Variants in ZNF136 observed in about 807,000 individuals in gnomAD.
ZNF136 encodes zinc finger protein 136.
In ZNF136, 8 loss-of-function variants were observed where a neutral mutation model predicts 11.4. The observed-to-expected ratio is 0.70, with a 90% CI of 0.41 to 1.27. The LOEUF is 1.27. ZNF136 is among the 50% of genes most tolerant of loss of function. The pLI, the probability that ZNF136 is intolerant of heterozygous loss-of-function variation, is 0.01. For synonymous variants in ZNF136, 190 were observed against 207.1 expected (o/e 0.92, Z 0.71); for missense variants, 590 against 656.5 (o/e 0.90, Z 1.11).
rs8111785 is a variant in ZNF136, at chr19:12,186,554, G to T, written c.192-16G>T. 205,815 of 1,557,498 alleles carry T rather than the reference G, an allele frequency of 0.13. 17,289 individuals carry two copies. Among genetic ancestry groups the T allele is most frequent in the African/African-American group, 0.39 (28,284 of 72,872 alleles). ...GATTAACAAATCCTTAGTAATGTCC[G>T]TCTCATTTTTTACAGAAGTCATATG... is the stretch of plus-strand genomic sequence containing the variant. On this transcript the variant is annotated splice_polypyrimidine_tract_variant and intron_variant, in intron 3 of 3. Coordinates refer to ENST00000343979, the MANE Select transcript of ZNF136 (RefSeq NM_003437.5).
At chr19:12,178,884 G>A (rs1298792371) in intron 1 of ZNF136, among the ~76,000 whole-genome samples, 1 of 151,972 alleles carries the variant, frequency 6.6e-6, no homozygotes, top group East Asian at 1.9e-4. Flanking sequence ...TGCTACTCGG[G>A]AGGCTGAGGC....
In ZNF136 at chr19:12,187,825, A is replaced by T; in HGVS notation, c.1447A>T (p.Lys483Ter). 8 of 1,606,132 alleles carry T rather than the reference A, an allele frequency of 5.0e-6. No homozygotes were observed. Among genetic ancestry groups the T allele is most frequent in the Non-Finnish European group, 6.8e-6 (8 of 1,177,268 alleles). Residue 483 changes from lysine (K) to a stop codon, truncating the protein, a stop_gained, in exon 4 of 4, where the codon AAA (lysine) becomes TAA (stop). Transcript: ENST00000343979. LOFTEE classifies it low-confidence loss of function (END_TRUNC). The stretch of plus-strand genomic sequence containing the variant: ...ACCCTTTGAATGTAAGCGATGTGGT[A>T]AAGCCTTTAGATCTTCTAGTTCCTT... ...EKPFECKRCG[K>*]AFRSSSSFRL... is the part of the protein sequence containing the mutation.
chr19:12,167,581 C>T (rs559460490), intron 1 of ZNF136, among the ~76,000 whole-genome samples: 3 of 152,226 alleles, frequency 2.0e-5, no homozygotes, highest in South Asian at 4.1e-4. Flanking sequence ...AAGATAAGAC[C>T]GGGTGCGGTG....
intron 1 of ZNF136, among the ~76,000 whole-genome samples, chr19:12,163,500 C>T (rs928453329): frequency 6.6e-6 from 1 of 152,230 alleles, no homozygotes; most frequent in African/African-American, 2.4e-5. Flanking sequence ...GGGGGAAATC[C>T]TGACTTGTGC....
chr19:12,172,895 C>G (rs1914697356), intron 1 of ZNF136, among the ~76,000 whole-genome samples: 1 of 152,042 alleles, frequency 6.6e-6, no homozygotes, highest in South Asian at 2.1e-4. Context: ...GCCTGTAATC[C>G]CTGCTACTCG....
At chr19:12,179,075 T>C (rs1914872928) in intron 1 of ZNF136, among the ~76,000 whole-genome samples, 1 of 152,176 alleles carries the variant, frequency 6.6e-6, no homozygotes. Context: ...TGTGTTTTTT[T>C]CACATAAATT....
rs983632020 is a variant in ZNF136 at position 12,189,649 on chromosome 19, T to C, written c.*1648T>C. The C allele has an allele frequency of 6.6e-6, 1 of 152,086 alleles. No homozygotes were observed. Among genetic ancestry groups the C allele is most frequent in the Admixed American group, 6.6e-5 (1 of 15,266 alleles). 9.4% of individuals were successfully genotyped at this position (152,086 alleles called of 1,614,324 possible). A position where few individuals can be genotyped will look rare whatever the true frequency, so the allele number is the denominator to read the frequency against. Reference sequence around the variant, plus strand: ...GATTACACGTGTGAGCCATCACACCTAGCCCATTTTTTTTTTCTTGGCTCA... The same window carrying C: ...GATTACACGTGTGAGCCATCACACCCAGCCCATTTTTTTTTTCTTGGCTCA... On this transcript the variant is annotated 3_prime_UTR_variant, in exon 4 of 4. Coordinates refer to ENST00000343979, the MANE Select transcript of ZNF136 (RefSeq NM_003437.5).
At chr19:12,163,323 T>C (rs1384805564) in intron 1 of ZNF136, 117 bp downstream of exon 1, 2 of 1,253,484 alleles carry the variant, frequency 1.6e-6, no homozygotes, top group Non-Finnish European at 2.1e-6. Flanking sequence ...GCGTACCGAG[T>C]CCCTCTGGCG....
chr19:12,188,689 G>A lies in ZNF136; in HGVS notation c.*688G>A, dbSNP rs575016064. On this transcript the variant is annotated 3_prime_UTR_variant, in exon 4 of 4. Transcript: ENST00000343979. ...TGTTTTGGCTCTGGCTGGGTGTGGT[G>A]GCTCACACCTGTAATCCCAGCACTT... 1 of 152,232 alleles carries A rather than the reference G, an allele frequency of 6.6e-6. No individual in the cohort carries two copies. The highest frequency in any genetic ancestry group is 1.9e-4 in the East Asian group (1 of 5,176). The allele number at this position is 152,232 out of a possible 1,614,324, so 9.4% of individuals were successfully genotyped here. A position where few individuals can be genotyped will look rare whatever the true frequency, so the allele number is the denominator to read the frequency against.
At chr19:12,177,056 G>A (rs1914814511) in intron 1 of ZNF136, among the ~76,000 whole-genome samples, 1 of 152,174 alleles carries the variant, frequency 6.6e-6, no homozygotes, top group South Asian at 2.1e-4. Context: ...TTAAATAGCT[G>A]TGTCAAAAAC....
At chr19:12,177,596 C>CT (rs1231251162) in intron 1 of ZNF136, among the ~76,000 whole-genome samples, 4 of 152,286 alleles carry the variant, frequency 2.6e-5, no homozygotes, top group African/African-American at 9.6e-5. Flanking sequence ...ATCCACCTGT[C>CT]TTGGCCTCCC....
intron 1 of ZNF136, chr19:12,165,006 A>G (rs1324542186): frequency 6.6e-6 from 1 of 152,216 alleles, no homozygotes; most frequent in African/African-American, 2.4e-5. Flanking sequence ...ACAACTTTGT[A>G]TCAGCCCACA....
At chr19:12,166,227 C>CAAAAAA (rs748858496) in intron 1 of ZNF136, among the ~76,000 whole-genome samples, 1 of 135,242 alleles carries the variant, frequency 7.4e-6, no homozygotes, top group African/African-American at 2.7e-5. Flanking sequence ...GACTCCGTCT[C>CAAAAAA]AAAAAAAAAA....
chr19:12,174,516 T>C (rs1368561810), intron 1 of ZNF136, among the ~76,000 whole-genome samples: 2 of 152,214 alleles, frequency 1.3e-5, no homozygotes, highest in African/African-American at 4.8e-5. Flanking sequence ...CTCTCCTGAT[T>C]ACTACAGATT....
Position 12,165,525 on chromosome 19 carries a change from C to T in ZNF136, c.3+2319C>T, listed in dbSNP as rs79118538. 9.9e-3 allele frequency among the ~76,000 whole-genome samples: 1,503 copies of T among 152,280 alleles called. 18 individuals are homozygous for T. Among genetic ancestry groups the T allele is most frequent in the African/African-American group, 0.034 (1,425 of 41,548 alleles). The stretch of plus-strand genomic sequence containing the variant: ...ACATTTTAAAAATTCTTATTTTCAA[C>T]GGCTTGTATCTGTATTTCTCCATAT... On this transcript the variant is annotated intron_variant, in intron 1 of 3. Transcript: ENST00000343979.
At chr19:12,167,567 A>C (rs1287469686) in intron 1 of ZNF136, among the ~76,000 whole-genome samples, 2 of 152,236 alleles carry the variant, frequency 1.3e-5, no homozygotes, top group Admixed American at 1.3e-4. Flanking sequence ...CTCAAAAAAA[A>C]GAAAAGATAA....
In ZNF136 at chr19:12,188,303, C is replaced by T. The variant is rs1355967847; in HGVS notation, c.*302C>T. ...AGGTTTTGTCATCACACAACCCTGT[C>T]ACACATGAATGTGTAGTGGAGAGAA... On this transcript the variant is annotated 3_prime_UTR_variant, in exon 4 of 4. Coordinates refer to ENST00000343979, the MANE Select transcript of ZNF136 (RefSeq NM_003437.5). The T allele has an allele frequency of 4.2e-6, 1 of 238,508 alleles. No individual in the cohort carries two copies. The highest frequency in any genetic ancestry group is 8.1e-6 in the Non-Finnish European group (1 of 123,586). 14.8% of individuals were successfully genotyped at this position (238,508 alleles called of 1,614,324 possible). A position where few individuals can be genotyped will look rare whatever the true frequency, so the allele number is the denominator to read the frequency against.
At chr19:12,179,008 GAAAGAA>G (rs1358520208) in intron 1 of ZNF136, among the ~76,000 whole-genome samples, 6 of 141,800 alleles carry the variant, frequency 4.2e-5, no homozygotes, top group African/African-American at 1.3e-4. Context: ...AAAAAAGAAA[GAAAGAA>G]AAAAAAAAAA....
chr19:12,186,235 TA>T, intron 3 of ZNF136, 61 bp downstream of exon 3: 1 of 1,510,010 alleles, frequency 6.6e-7, no homozygotes, highest in Admixed American at 2.3e-5. Context: ...CATGAAATTT[TA>T]AAAACAGGCA....
Sources: allele counts gnomAD v4.1 joint callset (sites outside exome capture counted in the v4.1 genomes callset), GRCh38; gene constraint gnomAD v4.1.1; transcripts MANE v1.5; gene names NCBI Gene and HGNC (gene_info 2026-07-23, HGNC 2026-07-21).